KATNAL1: variants seen among roughly 807,000 people sequenced by gnomAD.
KATNAL1 encodes the protein katanin p60 ATPase-containing subunit A-like 1.
In KATNAL1, 32 loss-of-function variants were observed where a neutral mutation model predicts 55.2. That is an observed-to-expected ratio of 0.58 (90% CI 0.44 to 0.78). The LOEUF is 0.78. Ranked by LOEUF, KATNAL1 falls within the 30% of genes least tolerant of loss-of-function variation. The pLI, the probability that KATNAL1 is intolerant of heterozygous loss-of-function variation, is 0.00. For missense variants in KATNAL1, 466 were observed against 600.9 expected, an observed-to-expected ratio of 0.78 and a Z score of 2.35; for synonymous variants, 193 against 193.6, an observed-to-expected ratio of 1.00 and a Z score of 0.02.
chr13:30,267,663 G>GA lies in KATNAL1; in HGVS notation c.324-12049dup, dbSNP rs576708491. 3.3e-5 allele frequency among the ~76,000 whole-genome samples: 5 copies of GA among 152,256 alleles called. 1 individual carries two copies. The South Asian group carries it at 8.3e-4, about 25-fold the overall frequency. ...CAGTGACAACAAAAATAAATAAGCT[G>GA]AAAACCTTCCCACAATAAAACATGC... is the stretch of plus-strand genomic sequence containing the variant. On this transcript the variant is annotated intron_variant, in intron 3 of 10. Transcript: ENST00000380615.
intron 9 of KATNAL1, among the ~76,000 whole-genome samples, chr13:30,225,306 C>A (rs1875344671): frequency 6.6e-6 from 1 of 152,140 alleles, no homozygotes; most frequent in South Asian, 2.1e-4. Context: ...CAGACATGAA[C>A]TATATAATCA....
At position 30,205,232 on chromosome 13, in the gene KATNAL1, A is replaced by G. The variant is rs1872999052; in HGVS notation, c.*3308T>C. On this transcript the variant is annotated 3_prime_UTR_variant, in exon 11 of 11. Transcript: ENST00000380615. ...CTATGCCTCTCCATCAGTGATCTAA[A>G]CTCTTGTTTCAGTAGTAGAAGCCAG... The G allele has an allele frequency of 6.6e-6, 1 of 152,208 alleles. No individual in the cohort carries two copies. Among genetic ancestry groups the G allele is most frequent in the Non-Finnish European group, 1.5e-5 (1 of 68,032 alleles). The allele number at this position is 152,208 out of a possible 1,614,324, so 9.4% of individuals were successfully genotyped here.
chr13:30,240,250 A>G (rs1877129756), intron 6 of KATNAL1, among the ~76,000 whole-genome samples: 1 of 152,234 alleles, frequency 6.6e-6, no homozygotes, highest in South Asian at 2.1e-4. Context: ...CCTAAAGACT[A>G]TATAGTTTCA....
At position 30,240,563 on chromosome 13, in the gene KATNAL1, T is replaced by A. The variant is rs1877163148; in HGVS notation, c.623A>T (p.Asp208Val). Residue 208 changes from aspartate to valine, a missense_variant and splice_region_variant, in exon 6 of 11, where the codon GAT becomes GTT. Around this residue, in one of 3 missense-constraint regions of KATNAL1, gnomAD observed 248 missense variants for 275.5 expected, o/e 0.90. Transcript: ENST00000380615. ...IVSRNPSIHW[D>V]DIADLEEAKK... ...AGCTTCTTCCAGATCTGCTATGTCA[T>A]CCCTTTGAAAGAACAGCAAACTTTC... 2 of 1,608,186 alleles carry A rather than the reference T, an allele frequency of 1.2e-6. No homozygotes were observed. The highest frequency in any genetic ancestry group is 1.7e-6 in the Non-Finnish European group (2 of 1,175,038).
intron 9 of KATNAL1, among the ~76,000 whole-genome samples, chr13:30,218,108 A>T (rs1874473950): frequency 6.6e-6 from 1 of 152,012 alleles, no homozygotes; most frequent in African/African-American, 2.4e-5. Flanking sequence ...CGTGCAGCAG[A>T]ATGGGGGAAA....
intron 4 of KATNAL1, among the ~76,000 whole-genome samples, chr13:30,249,905 C>T (rs992131290): frequency 3.9e-5 from 6 of 152,034 alleles, no homozygotes; most frequent in South Asian, 4.2e-4. Context: ...GTGAGCCAGC[C>T]GTGAAATGCA....
chr13:30,228,142 T>C (rs1267248883), intron 8 of KATNAL1, among the ~76,000 whole-genome samples: 1 of 152,138 alleles, frequency 6.6e-6, no homozygotes, highest in Non-Finnish European at 1.5e-5. Context: ...TACATGTATA[T>C]ACACAGTGTC....
chr13:30,264,448 A>C lies in KATNAL1; in HGVS notation c.324-8833T>G, dbSNP rs1243578086. Among the ~76,000 whole-genome samples, 628 of 146,356 alleles carry C rather than the reference A, an allele frequency of 4.3e-3. 9 individuals carry two copies. The highest frequency in any genetic ancestry group is 0.015 in the African/African-American group (590 of 39,718). The stretch of plus-strand genomic sequence containing the variant: ...ATCAGAGTGAACAGGCAACCTACAA[A>C]ATGGGAGAAAATTTTCACAACCTAC... On this transcript the variant is annotated intron_variant, in intron 3 of 10. Transcript: ENST00000380615.
intron 3 of KATNAL1, among the ~76,000 whole-genome samples, chr13:30,262,218 A>G (rs771596707): frequency 0.021 from 3,238 of 151,982 alleles, 46 homozygotes; most frequent in Non-Finnish European, 0.033. Flanking sequence ...CATTCAAAGC[A>G]GTGTGTAGAG....
intron 3 of KATNAL1, among the ~76,000 whole-genome samples, chr13:30,267,166 CATTAA>C (rs1879843569): frequency 6.6e-6 from 1 of 152,062 alleles, no homozygotes; most frequent in Non-Finnish European, 1.5e-5. Context: ...TTGCCTTTAC[CATTAA>C]ATTCTAAAAA....
intron 9 of KATNAL1, among the ~76,000 whole-genome samples, chr13:30,224,670 G>C (rs861727): frequency 0.29 from 43,550 of 151,718 alleles, 7,499 homozygotes; most frequent in Admixed American, 0.44. Flanking sequence ...CATTGAAATA[G>C]AAAGTAGAAA....
At chr13:30,263,249 T>C (rs1371750157) in intron 3 of KATNAL1, among the ~76,000 whole-genome samples, 1 of 152,134 alleles carries the variant, frequency 6.6e-6, no homozygotes, top group Non-Finnish European at 1.5e-5. Context: ...CATGACAAAC[T>C]CACAGCCAAT....
At chr13:30,284,174 A>C (rs1881618485) in intron 1 of KATNAL1, among the ~76,000 whole-genome samples, 1 of 152,148 alleles carries the variant, frequency 6.6e-6, no homozygotes. Flanking sequence ...ACTACTTTGA[A>C]AGTCAAAATA....
At chr13:30,217,585 A>T (rs1399895908) in intron 9 of KATNAL1, among the ~76,000 whole-genome samples, 1 of 146,174 alleles carries the variant, frequency 6.8e-6, no homozygotes, top group Non-Finnish European at 1.5e-5. Flanking sequence ...ATTTAAATAA[A>T]TGTTGTTAGA....
rs936206476 is a variant in KATNAL1 at position 30,273,055 on chromosome 13, T to C, written c.323+7008A>G. Among the ~76,000 whole-genome samples, 3 of 152,202 alleles carry C rather than the reference T, an allele frequency of 2.0e-5. No individual in the cohort carries two copies. In the East Asian group the frequency reaches 5.8e-4, roughly 29 times the overall value. On this transcript the variant is annotated intron_variant, in intron 3 of 10. Coordinates refer to ENST00000380615, the MANE Select transcript of KATNAL1 (RefSeq NM_032116.5). The stretch of plus-strand genomic sequence containing the variant: ...ATGTGCATTAGATCCCATCTCCTCT[T>C]GTCACCTCAAGGGCATTGCTCCAGC...
chr13:30,248,163 T>C (rs1220725319), intron 4 of KATNAL1, among the ~76,000 whole-genome samples: 1 of 152,200 alleles, frequency 6.6e-6, no homozygotes, highest in Non-Finnish European at 1.5e-5. Flanking sequence ...AGTATGTGTA[T>C]TAGTCTTCTG....
At chr13:30,218,857 A>G (rs982395261) in intron 9 of KATNAL1, among the ~76,000 whole-genome samples, 1 of 152,176 alleles carries the variant, frequency 6.6e-6, no homozygotes, top group Non-Finnish European at 1.5e-5. Flanking sequence ...GCATCATGGA[A>G]CAGACACAAA....
intron 3 of KATNAL1, among the ~76,000 whole-genome samples, chr13:30,271,118 A>G (rs1487250708): frequency 1.3e-5 from 2 of 152,158 alleles, no homozygotes; most frequent in Non-Finnish European, 2.9e-5. Flanking sequence ...AAAATGGCAA[A>G]CACATCCTGA....
chr13:30,306,845 C>G (rs1383319045), intron 1 of KATNAL1: 1 of 152,352 alleles, frequency 6.6e-6, no homozygotes. Flanking sequence ...GGCTGCTCAT[C>G]CCTGAGACTG....
Sources: gnomAD v4.1 joint callset for allele counts (sites outside exome capture counted in the v4.1 genomes callset) on GRCh38, gnomAD v4.1.1 for gene constraint, gnomAD v4.1.1 regional missense constraint, MANE v1.5 for transcripts, NCBI Gene and HGNC (gene_info 2026-07-23, HGNC 2026-07-21) for gene names.